Variants in ATAD1 observed in about 807,000 individuals in gnomAD.
ATAD1 encodes ATPase family AAA domain containing 1, also known as outer mitochondrial transmembrane helix translocase.
A neutral mutation model predicts 42.7 loss-of-function variants in ATAD1; 18 were observed. That is an observed-to-expected ratio of 0.42 (90% CI 0.29 to 0.63). The LOEUF is 0.63. Among genes scored for constraint, ATAD1 ranks in the 20% least tolerant of loss-of-function variants. ATAD1 has a pLI of 0.19. For missense variants in ATAD1, 294 were observed against 440.4 expected, an observed-to-expected ratio of 0.67 and a Z score of 2.98; for synonymous variants, 132 against 143.1, an observed-to-expected ratio of 0.92 and a Z score of 0.55.
In ATAD1 at chr10:87,753,045, T is replaced by C. The variant is rs960458491; in HGVS notation, c.*1642A>G. 6 of 152,092 alleles carry C rather than the reference T, an allele frequency of 3.9e-5. No homozygotes were observed. Among genetic ancestry groups the C allele is most frequent in the Non-Finnish European group, 7.4e-5 (5 of 67,990 alleles). 9.4% of individuals were successfully genotyped at this position (152,092 alleles called of 1,614,324 possible). On this transcript the variant is annotated 3_prime_UTR_variant, in exon 10 of 10. Transcript: ENST00000680024. ...CAAGATAAAGTCTAAACACAAGTTT[T>C]ATAAACCAAAAAAAATCCCAGAAAA...
Position 87,809,939 on chromosome 10 carries a change from C to T in ATAD1, c.162+4499G>A, listed in dbSNP as rs969752609. On this transcript the variant is annotated intron_variant, in intron 2 of 9. Transcript: ENST00000680024. The stretch of plus-strand genomic sequence containing the variant: ...AGGATTACAGGTGTAAGCCACCGTG[C>T]CCGGCCCTTGTTTTTAATATCTACA... Among the ~76,000 whole-genome samples, 4 of 152,026 alleles carry T rather than the reference C, an allele frequency of 2.6e-5. No homozygotes were observed. The South Asian group carries it at 6.2e-4, about 24-fold the overall frequency.
chr10:87,766,176 CG>C (rs1854739077), intron 8 of ATAD1, among the ~76,000 whole-genome samples: 1 of 151,982 alleles, frequency 6.6e-6, no homozygotes, highest in Non-Finnish European at 1.5e-5. Flanking sequence ...ATGAGTAAAC[CG>C]TAACAATGTG....
chr10:87,834,091 C>T (rs1441349314), intron 1 of ATAD1, among the ~76,000 whole-genome samples: 2 of 152,136 alleles, frequency 1.3e-5, no homozygotes, highest in Non-Finnish European at 2.9e-5. Context: ...TGGTGGATTA[C>T]ATTGATTGAT....
chr10:87,817,837 G>C, intron 1 of ATAD1: 1 of 985,496 alleles, frequency 1.0e-6, no homozygotes, highest in Non-Finnish European at 1.2e-6. Context: ...GCCTGGTTCT[G>C]AAGTCTTCCG....
chr10:87,835,948 C>T (rs1857921915), intron 1 of ATAD1, among the ~76,000 whole-genome samples: 1 of 152,128 alleles, frequency 6.6e-6, no homozygotes, highest in South Asian at 2.1e-4. Flanking sequence ...ATTACCTTCC[C>T]TCTTTATGTT....
intron 5 of ATAD1, among the ~76,000 whole-genome samples, chr10:87,781,408 T>C (rs1185147441): frequency 6.6e-6 from 1 of 152,170 alleles, no homozygotes; most frequent in Non-Finnish European, 1.5e-5. Flanking sequence ...AGATTAAATA[T>C]AGCCAAGGAA....
chr10:87,792,490 C>CT (rs1856171306), intron 3 of ATAD1, among the ~76,000 whole-genome samples, 167 bp downstream of exon 3: 1 of 152,090 alleles, frequency 6.6e-6, no homozygotes, highest in South Asian at 2.1e-4. Flanking sequence ...TGCTTTGTAT[C>CT]TTTTCAGTGT....
intron 2 of ATAD1, among the ~76,000 whole-genome samples, chr10:87,798,625 G>GGTGC: frequency 8.0e-6 from 1 of 124,860 alleles, no homozygotes; most frequent in African/African-American, 3.1e-5. Flanking sequence ...AGCTATAGGG[G>GGTGC]GTGTGTGTGT....
intron 2 of ATAD1, among the ~76,000 whole-genome samples, chr10:87,802,246 C>T (rs1165685567): frequency 1.3e-5 from 2 of 152,102 alleles, no homozygotes; most frequent in East Asian, 3.9e-4. Context: ...TCAAACTTGA[C>T]TTACAGAGCC....
rs189028926 is a variant in ATAD1, at chr10:87,818,226, C to A, written c.-73G>T. On this transcript the variant is annotated 5_prime_UTR_variant, in exon 1 of 10. Transcript: ENST00000680024. ...GCCGGCCTCACACAGGAAGGAAACG[C>A]AACCTGGGAGAGAACGCTTCCGGCG... is the stretch of plus-strand genomic sequence containing the variant. 2 of 985,452 alleles carry A rather than the reference C, an allele frequency of 2.0e-6. No individual in the cohort carries two copies. The highest frequency in any genetic ancestry group is 2.4e-6 in the Non-Finnish European group (2 of 830,020). 61.0% of individuals were successfully genotyped at this position (985,452 alleles called of 1,614,324 possible). A position where few individuals can be genotyped will look rare whatever the true frequency, so the allele number is the denominator to read the frequency against.
intron 8 of ATAD1, among the ~76,000 whole-genome samples, chr10:87,757,305 CT>C (rs1483487495): frequency 6.6e-6 from 1 of 151,484 alleles, no homozygotes; most frequent in African/African-American, 2.4e-5. Flanking sequence ...CTCAACATTC[CT>C]TTTAATTGTA....
chr10:87,753,495 G>C lies in ATAD1; in HGVS notation c.*1192C>G, dbSNP rs1437025123. The C allele has an allele frequency of 6.6e-6, 1 of 152,090 alleles. No individual in the cohort carries two copies. Among genetic ancestry groups the C allele is most frequent in the Non-Finnish European group, 1.5e-5 (1 of 68,004 alleles). The allele number at this position is 152,090 out of a possible 1,614,324, so 9.4% of individuals were successfully genotyped here. On this transcript the variant is annotated 3_prime_UTR_variant, in exon 10 of 10. Transcript: ENST00000680024. The stretch of plus-strand genomic sequence containing the variant: ...CGTTTTCCTCATGCTGCGTGGTTAG[G>C]TGCCTATAACAGAATTCTGGTTAGT...
chr10:87,794,511 C>T (rs1402002708), intron 2 of ATAD1, among the ~76,000 whole-genome samples: 3 of 152,254 alleles, frequency 2.0e-5, no homozygotes, highest in African/African-American at 4.8e-5. Flanking sequence ...AGTGGTTTTC[C>T]CAGGGGACAT....
intron 8 of ATAD1, among the ~76,000 whole-genome samples, chr10:87,766,620 T>C (rs1854763370): frequency 6.6e-6 from 1 of 151,984 alleles, no homozygotes; most frequent in South Asian, 2.1e-4. Context: ...ATGGTAAAAA[T>C]ATATGGTAAA....
intron 2 of ATAD1, among the ~76,000 whole-genome samples, chr10:87,809,179 C>T (rs1239235872): frequency 1.3e-5 from 2 of 152,108 alleles, no homozygotes; most frequent in Admixed American, 6.6e-5. Context: ...TAACAGTTGA[C>T]CCTTACACAA....
intron 2 of ATAD1, among the ~76,000 whole-genome samples, chr10:87,793,066 T>A (rs1856205448): frequency 6.6e-6 from 1 of 152,146 alleles, no homozygotes; most frequent in African/African-American, 2.4e-5. Context: ...GGATACAGCT[T>A]AGTTTCTCAT....
At chr10:87,812,550 ACCACAT>A (rs941209916) in intron 2 of ATAD1, among the ~76,000 whole-genome samples, 1 of 152,182 alleles carries the variant, frequency 6.6e-6, no homozygotes, top group African/African-American at 2.4e-5. Context: ...GGCGTGAGCC[ACCACAT>A]GGCCAGTCAA....
chr10:87,807,573 C>A (rs186629378), intron 2 of ATAD1, among the ~76,000 whole-genome samples: 1 of 152,054 alleles, frequency 6.6e-6, no homozygotes, highest in African/African-American at 2.4e-5. Flanking sequence ...TGTTTATTGA[C>A]CACTGGAGAT....
At chr10:87,757,126 A>G (rs918220565) in intron 8 of ATAD1, among the ~76,000 whole-genome samples, 2 of 152,102 alleles carry the variant, frequency 1.3e-5, no homozygotes, top group African/African-American at 4.8e-5. Context: ...TAAGACAAAT[A>G]ATTATTACTA....
Sources: allele counts gnomAD v4.1 joint callset (sites outside exome capture counted in the v4.1 genomes callset), GRCh38; gene constraint gnomAD v4.1.1; transcripts MANE v1.5; gene names NCBI Gene and HGNC (gene_info 2026-07-23, HGNC 2026-07-21).